Variants in HHAT observed in about 807,000 individuals in gnomAD.
HHAT encodes the protein hedgehog acyltransferase.
HHAT carries 47 observed loss-of-function variants against 70.8 expected under a neutral mutation model. The ratio of observed to expected loss-of-function variants is 0.66; its 90% CI spans 0.53 to 0.85. HHAT has a LOEUF of 0.85. Ranked by LOEUF, HHAT falls within the 40% of genes least tolerant of loss-of-function variation. HHAT has a pLI of 0.00. For missense variants in HHAT, 609 were observed against 604.8 expected (o/e 1.01, Z -0.07); for synonymous variants, 228 against 247.6 (o/e 0.92, Z 0.74).
chr1:210,474,283 A>T (rs2094261680), intron 8 of HHAT, among the ~76,000 whole-genome samples: 1 of 152,182 alleles, frequency 6.6e-6, no homozygotes, highest in East Asian at 1.9e-4. Context: ...TTTGAGGAAG[A>T]GATAAATAAT....
At chr1:210,345,410 T>A (rs774300761) in intron 1 of HHAT, among the ~76,000 whole-genome samples, 1 of 152,254 alleles carries the variant, frequency 6.6e-6, no homozygotes, top group Non-Finnish European at 1.5e-5. Flanking sequence ...TGTTTTGAAC[T>A]GCATGGTGGC....
In HHAT at chr1:210,625,232, A is replaced by G. The variant is rs902846411; in HGVS notation, c.1390+1562A>G. 2.0e-5 allele frequency among the ~76,000 whole-genome samples: 3 copies of G among 152,214 alleles called. No individual in the cohort carries two copies. In the South Asian group the frequency reaches 6.2e-4, roughly 32 times the overall value. ...TAAAGATGAGAGATAATAGGGCATT[A>G]TGGATCTAAAGATAAAGGTGGGTTA... On this transcript the variant is annotated intron_variant, in intron 11 of 11. Coordinates refer to ENST00000261458, the MANE Select transcript of HHAT (RefSeq NM_018194.6).
intron 9 of HHAT, among the ~76,000 whole-genome samples, chr1:210,563,611 T>C (rs1260908698): frequency 2.6e-5 from 4 of 152,190 alleles, no homozygotes; most frequent in African/African-American, 2.4e-5. Flanking sequence ...TTCTTATCTA[T>C]TCAGTGGTGC....
At chr1:210,522,844 A>G (rs2095181372) in intron 9 of HHAT, among the ~76,000 whole-genome samples, 1 of 151,802 alleles carries the variant, frequency 6.6e-6, no homozygotes, top group African/African-American at 2.4e-5. Context: ...TCTACCCATA[A>G]CTTTAGATAA....
chr1:210,523,549 C>G (rs1354754290), intron 9 of HHAT, among the ~76,000 whole-genome samples: 2 of 152,062 alleles, frequency 1.3e-5, no homozygotes, highest in African/African-American at 2.4e-5. Flanking sequence ...TGAATCACTC[C>G]CAGTGACTCT....
intron 10 of HHAT, among the ~76,000 whole-genome samples, chr1:210,619,034 G>GTCTCTT (rs1353055654): frequency 1.3e-5 from 2 of 152,162 alleles, no homozygotes; most frequent in African/African-American, 2.4e-5. Flanking sequence ...TCTCATCTTA[G>GTCTCTT]TCTCTTGGAT....
intron 9 of HHAT, among the ~76,000 whole-genome samples, chr1:210,537,424 C>T (rs1345946644): frequency 6.6e-6 from 1 of 152,216 alleles, no homozygotes; most frequent in East Asian, 1.9e-4. Context: ...TATCCCTCTT[C>T]TCACTTCATA....
chr1:210,346,843 A>G (rs1213006136), intron 1 of HHAT, among the ~76,000 whole-genome samples: 1 of 152,244 alleles, frequency 6.6e-6, no homozygotes, highest in East Asian at 1.9e-4. Flanking sequence ...GTGGAGGGGC[A>G]GGGGCCTGGG....
At position 210,568,951 on chromosome 1, in the gene HHAT, T is replaced by A. The variant is rs573171384; in HGVS notation, c.1044-18947T>A. Reference sequence around the variant, plus strand: ...GGGGACAAGTCCCCAACCTGTGTGATCTGACCCTATCTCCAGGTAGATAGT... The same window carrying A: ...GGGGACAAGTCCCCAACCTGTGTGAACTGACCCTATCTCCAGGTAGATAGT... On this transcript the variant is annotated intron_variant, in intron 9 of 11. Transcript: ENST00000261458. Among the ~76,000 whole-genome samples, 38 of 152,240 alleles carry A rather than the reference T, an allele frequency of 2.5e-4. No individual in the cohort carries two copies. In the South Asian group the frequency reaches 7.7e-3, roughly 31 times the overall value.
At chr1:210,389,958 A>G (rs2091345015) in intron 4 of HHAT, among the ~76,000 whole-genome samples, 1 of 152,230 alleles carries the variant, frequency 6.6e-6, no homozygotes, top group Non-Finnish European at 1.5e-5. Context: ...AATAGGATCA[A>G]TAAGATAGTA....
intron 11 of HHAT, among the ~76,000 whole-genome samples, chr1:210,667,880 T>A (rs1344110343): frequency 6.6e-6 from 1 of 152,230 alleles, no homozygotes; most frequent in South Asian, 2.1e-4. Context: ...ATTAAGTACA[T>A]TCATATTGTT....
In HHAT at chr1:210,464,592, G is replaced by T; in HGVS notation, c.944G>T (p.Gly315Val). 1 of 1,614,164 alleles carries T rather than the reference G, an allele frequency of 6.2e-7. No individual in the cohort carries two copies. The highest frequency in any genetic ancestry group is 8.5e-7 in the Non-Finnish European group (1 of 1,180,032). The change falls in exon 8 of 12, where the codon GGA becomes GTA. Residue 315 changes from glycine (G) to valine (V), a missense_variant. Transcript: ENST00000261458. ...GVPALLMRLD[G>V]LTPPALPRCV... ...CCTGCTCTGCTCATGCGCCTGGATG[G>T]ACTCACTCCACCCGCCCTCCCCCGC...
At chr1:210,510,287 C>A (rs1038536056) in intron 8 of HHAT, among the ~76,000 whole-genome samples, 1 of 152,164 alleles carries the variant, frequency 6.6e-6, no homozygotes, top group Admixed American at 6.5e-5. Context: ...AATGAATTGA[C>A]TACCACATCA....
intron 9 of HHAT, among the ~76,000 whole-genome samples, chr1:210,530,513 G>A (rs375130952): frequency 2.0e-5 from 3 of 152,286 alleles, no homozygotes; most frequent in East Asian, 3.9e-4. Flanking sequence ...GACAGTACCG[G>A]CAGGGACTTG....
chr1:210,386,230 CTTTTTTTTTTTT>C (rs869305965), intron 3 of HHAT, among the ~76,000 whole-genome samples: 4 of 69,922 alleles, frequency 5.7e-5, no homozygotes, highest in African/African-American at 2.5e-4. Flanking sequence ...TTCTTTTTTT[CTTTTTTTTTTTT>C]TTTTTTTTTT....
chr1:210,663,613 T>C (rs756167059), intron 11 of HHAT, among the ~76,000 whole-genome samples: 4 of 152,242 alleles, frequency 2.6e-5, no homozygotes, highest in Non-Finnish European at 5.9e-5. Flanking sequence ...AGTAAATGTC[T>C]GTCTCCTCTG....
intron 9 of HHAT, among the ~76,000 whole-genome samples, chr1:210,527,786 T>C (rs1319997465): frequency 6.6e-6 from 1 of 152,236 alleles, no homozygotes. Flanking sequence ...AGGCCATCTC[T>C]AGTGTGTACT....
At chr1:210,641,051 A>C (rs1409943452) in intron 11 of HHAT, among the ~76,000 whole-genome samples, 1 of 152,192 alleles carries the variant, frequency 6.6e-6, no homozygotes, top group Admixed American at 6.5e-5. Context: ...AATAACTGAA[A>C]GGAACCTTAC....
intron 10 of HHAT, among the ~76,000 whole-genome samples, chr1:210,619,218 C>A (rs1017028567): frequency 7.9e-5 from 12 of 152,098 alleles, no homozygotes; most frequent in African/African-American, 2.9e-4. Flanking sequence ...ACCGTAGAGA[C>A]CATGTGGACA....
Sources: gnomAD v4.1 joint callset for allele counts (sites outside exome capture counted in the v4.1 genomes callset) on GRCh38, gnomAD v4.1.1 for gene constraint, MANE v1.5 for transcripts, NCBI Gene and HGNC (gene_info 2026-07-23, HGNC 2026-07-21) for gene names.